Variants in BAZ2B observed in about 807,000 individuals in gnomAD.
BAZ2B encodes the protein bromodomain adjacent to zinc finger domain protein 2B.
BAZ2B carries 91 observed loss-of-function variants against 246.0 expected under a neutral mutation model. The observed-to-expected ratio is 0.37, with a 90% CI of 0.31 to 0.44. The LOEUF (loss-of-function observed/expected upper bound fraction) is 0.44, where lower values mean the gene tolerates loss of function less well. Among genes scored for constraint, BAZ2B ranks in the 20% least tolerant of loss-of-function variants. BAZ2B has a pLI of 1.00. For missense variants in BAZ2B, 2,332 were observed against 2,533.7 expected (o/e 0.92, Z 1.71); for synonymous variants, 855 against 860.0 (o/e 0.99, Z 0.10).
In BAZ2B at chr2:159,342,850, G is replaced by A. The variant is rs370327399; in HGVS notation, c.5454+4636C>T. On this transcript the variant is annotated intron_variant, in intron 31 of 36. Transcript: ENST00000392783. ...TTAAAATGATAATACTACCCAATGC[G>A]ATCTACAGATTCAACACAATCCCTA... is the stretch of plus-strand genomic sequence containing the variant. Among the ~76,000 whole-genome samples the A allele has an allele frequency of 1.9e-4, 29 of 152,134 alleles. No homozygotes were observed. In the East Asian group the frequency reaches 3.9e-3, roughly 20 times the overall value.
the BAZ2B span, chr2:159,690,213 C>A: frequency 2.2e-6 from 1 of 446,338 alleles, no homozygotes; most frequent in Non-Finnish European, 4.3e-6. Context: ...TTGAACATAG[C>A]AGGTGCTTTC....
the BAZ2B span, among the ~76,000 whole-genome samples, chr2:159,711,455 C>A: frequency 6.6e-6 from 1 of 152,118 alleles, no homozygotes; most frequent in Non-Finnish European, 1.5e-5. Context: ...ACTGATACTC[C>A]ATTCCCTTCC....
At chr2:159,687,020 T>C in the BAZ2B span, among the ~76,000 whole-genome samples, 1 of 119,188 alleles carries the variant, frequency 8.4e-6, no homozygotes, top group Non-Finnish European at 1.6e-5. Flanking sequence ...CCAGCCTGGG[T>C]GACAGAGCGA....
At chr2:159,400,912 C>T (rs953458710) in intron 16 of BAZ2B, among the ~76,000 whole-genome samples, 4 of 152,100 alleles carry the variant, frequency 2.6e-5, no homozygotes, top group South Asian at 2.1e-4. Context: ...GGCTTGGTGG[C>T]GGGCACCTGT....
At chr2:159,529,116 T>TA (rs1335661927) in intron 2 of BAZ2B, among the ~76,000 whole-genome samples, 1 of 151,730 alleles carries the variant, frequency 6.6e-6, no homozygotes, top group Non-Finnish European at 1.5e-5. Flanking sequence ...GTATAATAAG[T>TA]AAAAAAATAA....
intron 1 of BAZ2B, among the ~76,000 whole-genome samples, chr2:159,556,769 T>C (rs766922532): frequency 8.5e-5 from 13 of 152,150 alleles, no homozygotes; most frequent in Admixed American, 1.3e-4. Flanking sequence ...GCCTGGAAAT[T>C]TCTTTATTAA....
rs138776757 is a variant in BAZ2B at position 159,481,289 on chromosome 2, A to C, written c.-2-2568T>G. ...GAAGGCAATGCCTTTGTAATTGTGA[A>C]ATTGTATAACTGTGAAAAATCCACA... On this transcript the variant is annotated intron_variant, in intron 2 of 36. Transcript: ENST00000392783. 5.0e-3 allele frequency among the ~76,000 whole-genome samples: 762 copies of C among 152,182 alleles called. 6 individuals are homozygous for C. Among genetic ancestry groups the C allele is most frequent in the African/African-American group, 0.017 (716 of 41,562 alleles).
chr2:159,493,648 G>T (rs1166944922), intron 2 of BAZ2B, among the ~76,000 whole-genome samples: 1 of 152,202 alleles, frequency 6.6e-6, no homozygotes, highest in African/African-American at 2.4e-5. Flanking sequence ...TAGATTACTT[G>T]AGGTGGAGTT....
At chr2:159,679,761 A>G in the BAZ2B span, among the ~76,000 whole-genome samples, 1 of 152,256 alleles carries the variant, frequency 6.6e-6, no homozygotes, top group Admixed American at 6.5e-5. Context: ...TTTAAGCATG[A>G]GGATATGTAA....
chr2:159,582,558 A>AT (rs1240458031), intron 1 of BAZ2B, among the ~76,000 whole-genome samples: 3 of 151,844 alleles, frequency 2.0e-5, no homozygotes, highest in Admixed American at 1.3e-4. Flanking sequence ...TAATTTTTGT[A>AT]TTTTTTTTAA....
chr2:159,643,180 G>A, the BAZ2B span, among the ~76,000 whole-genome samples: 1 of 152,056 alleles, frequency 6.6e-6, no homozygotes, highest in Admixed American at 6.6e-5. Flanking sequence ...TGCTTGGGTT[G>A]CCACAACAAA....
At chr2:159,553,883 T>C (rs62171571) in intron 2 of BAZ2B, among the ~76,000 whole-genome samples, 8,187 of 152,204 alleles carry the variant, frequency 0.054, 384 homozygotes, top group African/African-American at 0.12. Flanking sequence ...AGTCTCCTGA[T>C]CTCTCTACTT....
chr2:159,544,155 G>GT lies in BAZ2B; in HGVS notation c.-3+11667dup, dbSNP rs199795835. 1.1e-3 allele frequency among the ~76,000 whole-genome samples: 158 copies of GT among 149,052 alleles called. 2 individuals are homozygous for GT. In the South Asian group the frequency reaches 0.023, roughly 22 times the overall value. ...TGTAAATTAGGCTTGATCATATTTA[G>GT]TTTTTTTTTTCCTTTGGCTGGACAG... On this transcript the variant is annotated intron_variant, in intron 2 of 36. Transcript: ENST00000392783.
intron 27 of BAZ2B, among the ~76,000 whole-genome samples, chr2:159,367,731 C>CA (rs1346829976): frequency 6.6e-6 from 1 of 151,716 alleles, no homozygotes; most frequent in East Asian, 1.9e-4. Flanking sequence ...TAAAAAAATA[C>CA]AAAAAAATTA....
chr2:159,401,130 T>G (rs1291383693), intron 16 of BAZ2B, among the ~76,000 whole-genome samples: 1 of 152,224 alleles, frequency 6.6e-6, no homozygotes, highest in Non-Finnish European at 1.5e-5. Flanking sequence ...TTTTCATGTC[T>G]GAAATTAATA....
At position 159,320,409 on chromosome 2, in the gene BAZ2B, G is replaced by A; in HGVS notation, c.6363C>T (p.Asn2121=). ...TGACATCTAGAGCAAAGGTTTCAAG[G>A]TTTGGATACCTGAAAGAAAACAAAT... ...REKLSSGQYP[N]LETFALDVRL... The change falls in exon 37 of 37, where the codon AAC becomes AAT. Residue 2121 remains asparagine (N), a synonymous_variant. Transcript: ENST00000392783. 1 of 1,561,562 alleles carries A rather than the reference G, an allele frequency of 6.4e-7. No individual in the cohort carries two copies.
At chr2:159,617,228 TAG>T (rs1038559619), upstream of BAZ2B, 3 of 152,144 alleles carry the variant, frequency 2.0e-5, no homozygotes, top group African/African-American at 7.2e-5. Flanking sequence ...GTAAGACTGG[TAG>T]CCCTTTGCTC....
chr2:159,605,510 T>G (rs552650968), intron 1 of BAZ2B, among the ~76,000 whole-genome samples: 7 of 152,306 alleles, frequency 4.6e-5, no homozygotes, highest in Admixed American at 1.3e-4. Context: ...ATAAAATATT[T>G]GCAAAAATAA....
intron 3 of BAZ2B, among the ~76,000 whole-genome samples, chr2:159,472,293 C>T (rs1212519896): frequency 6.6e-6 from 1 of 152,100 alleles, no homozygotes; most frequent in African/African-American, 2.4e-5. Flanking sequence ...GTGATTTTTG[C>T]ACATTGATTT....
Sources: allele counts gnomAD v4.1 joint callset (sites outside exome capture counted in the v4.1 genomes callset), GRCh38; gene constraint gnomAD v4.1.1; transcripts MANE v1.5; gene names NCBI Gene and HGNC (gene_info 2026-07-23, HGNC 2026-07-21).